Variants in LHX2 observed in about 807,000 individuals in gnomAD.
The protein encoded by LHX2 is LIM/homeobox protein Lhx2.
A neutral mutation model predicts 33.0 loss-of-function variants in LHX2; 6 were observed. The ratio of observed to expected loss-of-function variants is 0.18; its 90% confidence interval spans 0.10 to 0.36. The LOEUF (loss-of-function observed/expected upper bound fraction) is 0.36. LHX2 is among the 10% of genes least tolerant of loss of function. The probability of loss-of-function intolerance (pLI) is 1.00; values close to 1 mark genes in which losing one functional copy is unlikely to be tolerated. For synonymous variants in LHX2, 292 were observed against 253.1 expected (o/e 1.15, Z -1.46); for missense variants, 442 against 586.2 (o/e 0.75, Z 2.54).
chr9:124,021,641 AC>A (rs1397444027), intron 4 of LHX2, among the ~76,000 whole-genome samples: 2 of 152,154 alleles, frequency 1.3e-5, no homozygotes, highest in Non-Finnish European at 2.9e-5. Flanking sequence ...CATTTTACAC[AC>A]ATTCACATCA....
intron 4 of LHX2, among the ~76,000 whole-genome samples, chr9:124,026,173 G>T (rs1828618187): frequency 6.6e-6 from 1 of 152,058 alleles, no homozygotes; most frequent in African/African-American, 2.4e-5. Flanking sequence ...CAATGAACAA[G>T]ACTGGCTGGG....
chr9:124,025,239 G>A (rs892133434), intron 4 of LHX2, among the ~76,000 whole-genome samples: 8 of 152,086 alleles, frequency 5.3e-5, no homozygotes, highest in African/African-American at 1.9e-4. Context: ...TCAGGAGATC[G>A]AAACCATCCT....
intron 4 of LHX2, among the ~76,000 whole-genome samples, chr9:124,022,384 T>C (rs190231036): frequency 1.1e-4 from 16 of 152,366 alleles, no homozygotes; most frequent in Admixed American, 8.5e-4. Context: ...TGAGCAATTA[T>C]TCTGGTAGTG....
In LHX2 at chr9:124,015,727, C is replaced by T. The variant is rs564874886; in HGVS notation, c.727+202C>T. 1.3e-4 allele frequency among the ~76,000 whole-genome samples: 20 copies of T among 152,382 alleles called. No individual in the cohort carries two copies. The South Asian group carries it at 2.3e-3, about 17-fold the overall frequency. ...AGCGGGAGGAGAGGGTGCAGTGGTCCCTTGCTGCTCCGGGTGCAGGGCCTT... is the reference window on the plus strand; with the variant it reads ...AGCGGGAGGAGAGGGTGCAGTGGTCTCTTGCTGCTCCGGGTGCAGGGCCTT... On this transcript the variant is annotated intron_variant, in intron 3 of 4. Coordinates refer to ENST00000373615, the MANE Select transcript of LHX2 (RefSeq NM_004789.4). This position sits in a 1 kb window ranked among gnomAD's most constrained non-coding sequence, Gnocchi z 7.9.
In LHX2 at chr9:124,016,153, G is replaced by T. The variant is rs1183879309; in HGVS notation, c.727+628G>T. 6.6e-6 allele frequency among the ~76,000 whole-genome samples: 1 copy of T among 152,192 alleles called. No homozygotes were observed. Among genetic ancestry groups the T allele is most frequent in the African/African-American group, 2.4e-5 (1 of 41,446 alleles). On this transcript the variant is annotated intron_variant, in intron 3 of 4. Coordinates refer to ENST00000373615, the MANE Select transcript of LHX2 (RefSeq NM_004789.4). This position sits in a 1 kb window ranked among gnomAD's most constrained non-coding sequence, Gnocchi z 4.4. ...CCTCCGAGTTTCCTGGCGCCTGCTG[G>T]GGTGAGGGCCGTGACCCTCGGAAGC... is the stretch of plus-strand genomic sequence containing the variant.
chr9:124,016,179 G>A lies in LHX2; in HGVS notation c.727+654G>A, dbSNP rs558408186. Among the ~76,000 whole-genome samples the A allele has an allele frequency of 9.9e-5, 15 of 151,050 alleles. No homozygotes were observed. The highest frequency in any genetic ancestry group is 3.6e-4 in the African/African-American group (15 of 41,348). On this transcript the variant is annotated intron_variant, in intron 3 of 4. Coordinates refer to ENST00000373615, the MANE Select transcript of LHX2 (RefSeq NM_004789.4). This position sits in a 1 kb window ranked among gnomAD's most constrained non-coding sequence, Gnocchi z 4.4. Reference sequence around the variant, plus strand: ...GGTGAGGGCCGTGACCCTCGGAAGCGAGCCCCCCGGGCGGGGACGAGACCG... The same window carrying A: ...GGTGAGGGCCGTGACCCTCGGAAGCAAGCCCCCCGGGCGGGGACGAGACCG...
At position 124,013,964 on chromosome 9, in the gene LHX2, A is replaced by C. The variant is rs752440722; in HGVS notation, c.124A>C (p.Met42Leu). ...TTCCGCCTCCCTCCCTTCGCAGACC[A>C]TGCCGTCCATCAGCAGTGACCGCGC... ...AIDRGDTETT[M>L]PSISSDRAAL... Residue 42 changes from methionine (M) to leucine (L), a missense_variant, in exon 2 of 5, where the codon ATG becomes CTG. Around this residue, in one of 5 missense-constraint regions of LHX2, gnomAD observed 97 missense variants for 81.5 expected, o/e 1.19. Coordinates refer to ENST00000373615, the MANE Select transcript of LHX2 (RefSeq NM_004789.4). 2 of 1,612,206 alleles carry C rather than the reference A, an allele frequency of 1.2e-6. No homozygotes were observed. The highest frequency in any genetic ancestry group is 1.7e-6 in the Non-Finnish European group (2 of 1,179,580).
chr9:124,024,350 G>A (rs1341349133), intron 4 of LHX2, among the ~76,000 whole-genome samples: 2 of 152,278 alleles, frequency 1.3e-5, no homozygotes, highest in African/African-American at 4.8e-5. Context: ...CTGGATACAG[G>A]AGCCAGGCAT....
In LHX2 at chr9:124,016,938, G is replaced by C. The variant is rs1859201232; in HGVS notation, c.727+1413G>C. 1.3e-5 allele frequency among the ~76,000 whole-genome samples: 2 copies of C among 152,150 alleles called. No individual in the cohort carries two copies. On this transcript the variant is annotated intron_variant, in intron 3 of 4. Transcript: ENST00000373615. This position sits in a 1 kb window ranked among gnomAD's most constrained non-coding sequence, Gnocchi z 4.4. ...TTATCAAGTGGGTCAACTTCCACTC[G>C]GAAGCACCTCGCGGGGCTCGGCTCC...
rs1427022711 is a variant in LHX2 at position 124,012,494 on chromosome 9, G to C, written c.120+26G>C. The C allele has an allele frequency of 6.6e-7, 1 of 1,522,444 alleles. No homozygotes were observed. The highest frequency in any genetic ancestry group is 2.6e-5 in the East Asian group (1 of 38,932). 94.3% of individuals were successfully genotyped at this position (1,522,444 alleles called of 1,614,324 possible). A position where few individuals can be genotyped will look rare whatever the true frequency, so the allele number is the denominator to read the frequency against. On this transcript the variant is annotated intron_variant, in intron 1 of 4. Transcript: ENST00000373615. This position sits in a 1 kb window ranked among gnomAD's most constrained non-coding sequence, Gnocchi z 4.3. ...GTAGGCGCGCGGCTGTGGGGTCGGG[G>C]CTGAGAGCTGGGATGGGGCCGGGCC...
At chr9:124,024,342 G>A (rs1828570992) in intron 4 of LHX2, among the ~76,000 whole-genome samples, 1 of 152,274 alleles carries the variant, frequency 6.6e-6, no homozygotes, top group Non-Finnish European at 1.5e-5. Context: ...ATTTGCTGCT[G>A]GATACAGGAG....
rs1046867392 is a variant in LHX2, at chr9:124,012,988, C to A, written c.120+520C>A. On this transcript the variant is annotated intron_variant, in intron 1 of 4. Coordinates refer to ENST00000373615, the MANE Select transcript of LHX2 (RefSeq NM_004789.4). The surrounding 1 kb of genome is among the most constrained non-coding windows in gnomAD (Gnocchi z 4.3). ...GCCAACATTTGTCGTTGATCGCGTC[C>A]CCAGACCCTTGACTGGTCAGACTTA... is the stretch of plus-strand genomic sequence containing the variant. Among the ~76,000 whole-genome samples, 1 of 152,250 alleles carries A rather than the reference C, an allele frequency of 6.6e-6. No homozygotes were observed. The highest frequency in any genetic ancestry group is 1.5e-5 in the Non-Finnish European group (1 of 68,046).
chr9:124,032,724 A>C lies in LHX2; in HGVS notation c.*17A>C. The C allele has an allele frequency of 6.5e-7, 1 of 1,529,020 alleles. No homozygotes were observed. The highest frequency in any genetic ancestry group is 8.8e-7 in the Non-Finnish European group (1 of 1,135,622). 94.7% of individuals were successfully genotyped at this position (1,529,020 alleles called of 1,614,324 possible). A position where few individuals can be genotyped will look rare whatever the true frequency, so the allele number is the denominator to read the frequency against. On this transcript the variant is annotated 3_prime_UTR_variant, in exon 5 of 5. Transcript: ENST00000373615. This position sits in a 1 kb window ranked among gnomAD's most constrained non-coding sequence, Gnocchi z 4.1. ...CTTTTCTAATGACTCGCAACCCCTC[A>C]CCCCACAATTTCTTTAAAAAAGAAA...
intron 4 of LHX2, among the ~76,000 whole-genome samples, chr9:124,031,401 A>G (rs543831801): frequency 6.6e-6 from 1 of 152,230 alleles, no homozygotes; most frequent in East Asian, 1.9e-4. Context: ...TTTTACCAAC[A>G]AGAACTTGTG....
At position 124,012,790 on chromosome 9, in the gene LHX2, C is replaced by G. The variant is rs1443116751; in HGVS notation, c.120+322C>G. 6.6e-6 allele frequency among the ~76,000 whole-genome samples: 1 copy of G among 152,234 alleles called. No individual in the cohort carries two copies. Among genetic ancestry groups the G allele is most frequent in the East Asian group, 1.9e-4 (1 of 5,188 alleles). On this transcript the variant is annotated intron_variant, in intron 1 of 4. Transcript: ENST00000373615. This position sits in a 1 kb window ranked among gnomAD's most constrained non-coding sequence, Gnocchi z 4.3. The stretch of plus-strand genomic sequence containing the variant: ...CCCGGTGCCGGGGTCGACAGCCCCG[C>G]GCTCTCCTCCACCTCTCGGCTCCGG...
rs1859108494 is a variant in LHX2 at position 124,012,420 on chromosome 9, C to T, written c.72C>T (p.Ser24=). 2 of 1,536,922 alleles carry T rather than the reference C, an allele frequency of 1.3e-6. No individual in the cohort carries two copies. The highest frequency in any genetic ancestry group is 1.7e-6 in the Non-Finnish European group (2 of 1,147,548). The change falls in exon 1 of 5, where the codon AGC becomes AGT. Residue 24 remains serine, a synonymous_variant. Transcript: ENST00000373615. The surrounding 1 kb of genome is among the most constrained non-coding windows in gnomAD (Gnocchi z 4.3). ...VIDEMDRRAK[S]EAPAISSAID... ...ACGAGATGGACCGCAGGGCCAAGAG[C>T]GAGGCTCCCGCCATCAGCTCCGCCA...
At chr9:124,022,216 C>T (rs975734873) in intron 4 of LHX2, among the ~76,000 whole-genome samples, 5 of 152,126 alleles carry the variant, frequency 3.3e-5, no homozygotes, top group Non-Finnish European at 5.9e-5. Flanking sequence ...TAGCCTGTTT[C>T]CTCATACAAG....
chr9:124,026,907 A>C (rs771299421), intron 4 of LHX2, among the ~76,000 whole-genome samples: 3 of 152,154 alleles, frequency 2.0e-5, no homozygotes, highest in Non-Finnish European at 4.4e-5. Flanking sequence ...TCACTTCATT[A>C]CTTTGAACCT....
chr9:124,020,808 C>G (rs1859279106), intron 3 of LHX2, among the ~76,000 whole-genome samples: 1 of 152,208 alleles, frequency 6.6e-6, no homozygotes, highest in Non-Finnish European at 1.5e-5. Context: ...GCTGCTGCTG[C>G]TGCTGCTACT....
Sources: allele counts gnomAD v4.1 joint callset (sites outside exome capture counted in the v4.1 genomes callset), GRCh38; gene constraint gnomAD v4.1.1; regional missense constraint gnomAD v4.1.1; non-coding constraint Gnocchi (gnomAD v3.1); transcripts MANE v1.5; gene names NCBI Gene and HGNC (gene_info 2026-07-23, HGNC 2026-07-21).